The following ANK3 variants were observed in gnomAD, a reference collection of about 807,000 sequenced individuals.
ANK3 encodes ankyrin 3.
A neutral mutation model predicts 370.9 loss-of-function variants in ANK3; 57 were observed. The observed-to-expected ratio is 0.15, with a 90% CI of 0.12 to 0.19. The LOEUF is 0.19. Among genes scored for constraint, ANK3 ranks in the 10% least tolerant of loss-of-function variants. The pLI is 1.00. For synonymous variants in ANK3, 1,929 were observed against 1,946.3 expected (o/e 0.99, Z 0.23); for missense variants, 4,439 against 5,302.1 (o/e 0.84, Z 5.06).
intron 2 of ANK3, among the ~76,000 whole-genome samples, chr10:60,498,259 C>T (rs576137097): frequency 1.3e-4 from 20 of 152,206 alleles, no homozygotes; most frequent in African/African-American, 4.8e-4. Context: ...AAACAAAAAC[C>T]CTCCAATTTA....
intron 8 of ANK3, among the ~76,000 whole-genome samples, chr10:60,218,217 G>C (rs2096978521): frequency 6.6e-6 from 1 of 151,130 alleles, no homozygotes; most frequent in South Asian, 2.1e-4. Context: ...CACACTGATG[G>C]GTCTTGACTC....
intron 30 of ANK3, among the ~76,000 whole-genome samples, chr10:60,085,663 T>C (rs2086501043): frequency 6.9e-6 from 1 of 145,476 alleles, no homozygotes; most frequent in South Asian, 2.2e-4. Context: ...TTGCCAAGAC[T>C]GGAGTGCAAT....
At chr10:60,489,146 A>G (rs1289735226) in intron 2 of ANK3, among the ~76,000 whole-genome samples, 1 of 152,234 alleles carries the variant, frequency 6.6e-6, no homozygotes, top group African/African-American at 2.4e-5. Context: ...GGCAAACAAC[A>G]TAAACATGAA....
At chr10:60,713,730 A>G (rs1391918966) in intron 1 of ANK3, among the ~76,000 whole-genome samples, 1 of 152,222 alleles carries the variant, frequency 6.6e-6, no homozygotes, top group Middle Eastern at 3.4e-3. Context: ...TCTCTACTAA[A>G]AATACAAAAA....
intron 7 of ANK3, among the ~76,000 whole-genome samples, chr10:60,243,042 G>A (rs1423510483): frequency 3.9e-5 from 6 of 151,952 alleles, no homozygotes; most frequent in African/African-American, 1.5e-4. Context: ...TTGCATTTTT[G>A]GAGCACCTAA....
intron 1 of ANK3, among the ~76,000 whole-genome samples, chr10:60,717,554 A>T (rs2079807560): frequency 6.6e-6 from 1 of 152,240 alleles, no homozygotes; most frequent in Admixed American, 6.5e-5. Context: ...GCATAATAAT[A>T]AAAAGAACTT....
At chr10:60,208,268 T>C (rs2096794822) in intron 9 of ANK3, 35 bp from the exon 10 acceptor site, 3 of 1,590,694 alleles carry the variant, frequency 1.9e-6, no homozygotes, top group Non-Finnish European at 2.6e-6. Flanking sequence ...TTCATTCTTT[T>C]ACCTTTTAAA....
chr10:60,590,719 A>G (rs2077897244), intron 2 of ANK3, among the ~76,000 whole-genome samples: 1 of 152,246 alleles, frequency 6.6e-6, no homozygotes, highest in Non-Finnish European at 1.5e-5. Context: ...TCTACAAAAC[A>G]GCATAGTATT....
intron 7 of ANK3, among the ~76,000 whole-genome samples, chr10:60,252,895 C>T (rs1314741876): frequency 6.6e-6 from 1 of 152,200 alleles, no homozygotes; most frequent in East Asian, 1.9e-4. Context: ...CTCCTGGATG[C>T]AAGCAGTGAC....
intron 28 of ANK3, among the ~76,000 whole-genome samples, chr10:60,104,377 A>AT: frequency 9.1e-6 from 1 of 110,250 alleles, no homozygotes; most frequent in African/African-American, 3.8e-5. Flanking sequence ...AAAAAAAAAA[A>AT]AAAAAAAAAA....
chr10:60,459,438 C>G (rs2064830077), intron 2 of ANK3, among the ~76,000 whole-genome samples: 1 of 152,154 alleles, frequency 6.6e-6, no homozygotes, highest in South Asian at 2.1e-4. Flanking sequence ...GTGAGGCACT[C>G]TGGACATTGT....
chr10:60,301,224 T>C (rs1292910052), intron 1 of ANK3, among the ~76,000 whole-genome samples: 1 of 145,942 alleles, frequency 6.9e-6, no homozygotes, highest in African/African-American at 2.5e-5. Flanking sequence ...TGTATGTATG[T>C]ATATATAAAG....
At chr10:60,653,091 CCTATT>C (rs1249400757) in intron 1 of ANK3, among the ~76,000 whole-genome samples, 5 of 152,018 alleles carry the variant, frequency 3.3e-5, no homozygotes, top group Admixed American at 2.0e-4. Flanking sequence ...AATATTTTCT[CCTATT>C]CTGTACATTT....
chr10:60,102,918 T>A (rs555915259), intron 28 of ANK3, among the ~76,000 whole-genome samples: 1 of 152,302 alleles, frequency 6.6e-6, no homozygotes, highest in South Asian at 2.1e-4. Flanking sequence ...TTAATTGTTA[T>A]GAAATTAATA....
chr10:60,373,938 T>C (rs1251163990), intron 1 of ANK3, among the ~76,000 whole-genome samples: 1 of 152,102 alleles, frequency 6.6e-6, no homozygotes, highest in Non-Finnish European at 1.5e-5. Context: ...GAATTGCAGA[T>C]GAGTTAATGA....
In ANK3 at chr10:60,089,814, T is replaced by C. The variant is rs149689551; in HGVS notation, c.3329-1456A>G. On this transcript the variant is annotated intron_variant, in intron 28 of 43. Transcript: ENST00000280772. ...AGTTTAAATATGTATACTGAATATATATAAATCCACATATACTTTTATATA... is the reference window on the plus strand; with the variant it reads ...AGTTTAAATATGTATACTGAATATACATAAATCCACATATACTTTTATATA... 3.9e-3 allele frequency among the ~76,000 whole-genome samples: 595 copies of C among 152,162 alleles called. 6 individuals are homozygous for C. The highest frequency in any genetic ancestry group is 0.013 in the African/African-American group (549 of 41,528).
chr10:60,360,209 T>C (rs2058384282), intron 1 of ANK3, among the ~76,000 whole-genome samples: 1 of 152,222 alleles, frequency 6.6e-6, no homozygotes, highest in Non-Finnish European at 1.5e-5. Context: ...CTTTTAGGCT[T>C]ACTTTATTTG....
intron 1 of ANK3, among the ~76,000 whole-genome samples, chr10:60,382,803 A>G (rs745835516): frequency 8.0e-6 from 1 of 125,424 alleles, no homozygotes; most frequent in Non-Finnish European, 1.7e-5. Flanking sequence ...AAATCTATAT[A>G]TATATATATA....
At chr10:60,144,879 T>G (rs1330555809) in intron 23 of ANK3, among the ~76,000 whole-genome samples, 1 of 152,200 alleles carries the variant, frequency 6.6e-6, no homozygotes, top group Non-Finnish European at 1.5e-5. Context: ...ATGATCCTTT[T>G]TCATGTCGAA....
Sources: gnomAD v4.1 joint callset for allele counts (sites outside exome capture counted in the v4.1 genomes callset) on GRCh38, gnomAD v4.1.1 for gene constraint, MANE v1.5 for transcripts, NCBI Gene and HGNC (gene_info 2026-07-23, HGNC 2026-07-21) for gene names.